IKBKB-DT: variants seen among roughly 807,000 people sequenced by gnomAD.
The protein encoded by IKBKB-DT is IKBKB antisense RNA.
At chr8:42,242,953 A>G (rs1028704817) in intron 3 of IKBKB-DT, among the ~76,000 whole-genome samples, 16 of 152,232 alleles carry the variant, frequency 1.1e-4, no homozygotes, top group African/African-American at 3.1e-4. Context: ...CCAATTCACA[A>G]GCGCGAGTTC....
At chr8:42,244,485 T>C (rs1291316459) in intron 3 of IKBKB-DT, among the ~76,000 whole-genome samples, 3 of 152,214 alleles carry the variant, frequency 2.0e-5, no homozygotes, top group Non-Finnish European at 1.5e-5. Flanking sequence ...ACATTCCTTT[T>C]ACTTCTTTTA....
chr8:42,234,331 G>A (rs1192349459), intron 3 of IKBKB-DT, among the ~76,000 whole-genome samples: 1 of 152,146 alleles, frequency 6.6e-6, no homozygotes, highest in Admixed American at 6.5e-5. Flanking sequence ...TGCCTGACGA[G>A]CTTCCCACTG....
intron 3 of IKBKB-DT, among the ~76,000 whole-genome samples, chr8:42,239,252 G>A (rs1025276309): frequency 3.3e-5 from 5 of 151,882 alleles, no homozygotes; most frequent in African/African-American, 7.3e-5. Context: ...CCACAGCTAC[G>A]GGGCCTCTCC....
chr8:42,269,515 A>G, intron 1 of IKBKB-DT, among the ~76,000 whole-genome samples: 1 of 116,452 alleles, frequency 8.6e-6, no homozygotes, highest in South Asian at 3.3e-4. Flanking sequence ...GAAGGAGGAG[A>G]GATAGGAAGG....
At chr8:42,250,841 C>T (rs1585463711) in intron 3 of IKBKB-DT, among the ~76,000 whole-genome samples, 1 of 152,178 alleles carries the variant, frequency 6.6e-6, no homozygotes, top group South Asian at 2.1e-4. Flanking sequence ...TATGATCACA[C>T]CACTGTACTC....
chr8:42,261,204 G>A (rs924250057), intron 3 of IKBKB-DT, among the ~76,000 whole-genome samples: 11 of 152,092 alleles, frequency 7.2e-5, no homozygotes, highest in African/African-American at 2.7e-4. Context: ...GTGTACACCT[G>A]TAGTCCCAGT....
intron 3 of IKBKB-DT, among the ~76,000 whole-genome samples, chr8:42,254,384 C>T (rs1223197355): frequency 1.3e-5 from 2 of 152,238 alleles, no homozygotes; most frequent in East Asian, 3.8e-4. Context: ...TTGGCCACTG[C>T]CCCATCTGGG....
At chr8:42,262,247 C>T (rs949037356) in intron 3 of IKBKB-DT, among the ~76,000 whole-genome samples, 1 of 147,558 alleles carries the variant, frequency 6.8e-6, no homozygotes, top group Non-Finnish European at 1.5e-5. Flanking sequence ...CTAACCTGCA[C>T]AATGTGCACA....
chr8:42,269,346 A>AAAAGGAAAGGAAAGGAAG (rs750766876), intron 1 of IKBKB-DT, among the ~76,000 whole-genome samples: 8 of 146,264 alleles, frequency 5.5e-5, no homozygotes, highest in Non-Finnish European at 9.0e-5. Context: ...AAAAGGAAAG[A>AAAAGGAAAGGAAAGGAAG]AAAGGAAAGG....
At chr8:42,264,288 C>G (rs1807337329) in intron 2 of IKBKB-DT, among the ~76,000 whole-genome samples, 1 of 151,950 alleles carries the variant, frequency 6.6e-6, no homozygotes, top group Admixed American at 6.6e-5. Context: ...TCCCCAGTAG[C>G]TGGGACTACA....
chr8:42,270,898 C>A, exon 1 of IKBKB-DT: 1 of 167,226 alleles, frequency 6.0e-6, no homozygotes, highest in South Asian at 1.1e-4. Flanking sequence ...AGCCAAGCAC[C>A]CCCCAGACAG....
chr8:42,259,842 C>T (rs942839360), intron 3 of IKBKB-DT, among the ~76,000 whole-genome samples: 3 of 151,948 alleles, frequency 2.0e-5, no homozygotes, highest in African/African-American at 7.3e-5. Context: ...ATTAGCCAGG[C>T]ATAGTGGCAG....
chr8:42,259,637 A>G (rs188554568), intron 3 of IKBKB-DT, among the ~76,000 whole-genome samples: 79 of 152,292 alleles, frequency 5.2e-4, no homozygotes, highest in African/African-American at 1.9e-3. Flanking sequence ...ACTGCCTGAC[A>G]GGTTCTTCCC....
chr8:42,243,247 C>T (rs1297666922), intron 3 of IKBKB-DT, among the ~76,000 whole-genome samples: 2 of 152,190 alleles, frequency 1.3e-5, no homozygotes, highest in African/African-American at 4.8e-5. Flanking sequence ...TGACTGTTAT[C>T]TCTCCATGCA....
intron 3 of IKBKB-DT, among the ~76,000 whole-genome samples, chr8:42,241,664 G>A (rs1807005623): frequency 6.6e-6 from 1 of 152,130 alleles, no homozygotes; most frequent in African/African-American, 2.4e-5. Context: ...ATGCTTCAAT[G>A]AGCAACTAGA....
chr8:42,240,963 A>G (rs1047547592), intron 3 of IKBKB-DT, among the ~76,000 whole-genome samples: 1 of 152,134 alleles, frequency 6.6e-6, no homozygotes, highest in Non-Finnish European at 1.5e-5. Context: ...CAACATAGCA[A>G]GACTCCGTCT....
chr8:42,254,714 G>A (rs962021091), intron 3 of IKBKB-DT, among the ~76,000 whole-genome samples: 17 of 147,002 alleles, frequency 1.2e-4, no homozygotes, highest in Non-Finnish European at 9.0e-5. Flanking sequence ...GATGTCAGGA[G>A]CACCACTGCC....
At chr8:42,260,386 C>T (rs1390880357) in intron 3 of IKBKB-DT, among the ~76,000 whole-genome samples, 1 of 152,138 alleles carries the variant, frequency 6.6e-6, no homozygotes, top group Non-Finnish European at 1.5e-5. Context: ...CCTTTCAAGG[C>T]CGGGCGCAGT....
At chr8:42,251,822 C>A in intron 3 of IKBKB-DT, among the ~76,000 whole-genome samples, 1 of 135,670 alleles carries the variant, frequency 7.4e-6, no homozygotes, top group Non-Finnish European at 1.5e-5. Flanking sequence ...GAGCAAGACT[C>A]CATCTCAAAA....
Sources: gnomAD v4.1 joint callset for allele counts (sites outside exome capture counted in the v4.1 genomes callset) on GRCh38, gnomAD v4.1.1 for gene constraint, MANE v1.5 for transcripts, NCBI Gene and HGNC (gene_info 2026-07-23, HGNC 2026-07-21) for gene names.